BMP7: variants seen among roughly 807,000 people sequenced by gnomAD.
BMP7 encodes the protein osteogenic protein 1.
Under a neutral mutation model 41.2 loss-of-function variants are expected in BMP7, and 12 were observed. The ratio of observed to expected loss-of-function variants is 0.29; its 90% CI spans 0.19 to 0.47. The LOEUF (loss-of-function observed/expected upper bound fraction) is 0.47. Ranked by LOEUF, BMP7 falls within the 20% of genes least tolerant of loss-of-function variation. The probability of loss-of-function intolerance (pLI) is 0.99; values close to 1 mark genes in which losing one functional copy is unlikely to be tolerated. For missense variants in BMP7, 467 were observed against 606.0 expected (o/e 0.77, Z 2.41); for synonymous variants, 248 against 250.0 (o/e 0.99, Z 0.07).
intron 2 of BMP7, among the ~76,000 whole-genome samples, chr20:57,222,214 C>G (rs1201473482): frequency 6.6e-6 from 1 of 152,132 alleles, no homozygotes; most frequent in Non-Finnish European, 1.5e-5. Flanking sequence ...CTGTTGCCAT[C>G]GATTCCCAGC....
At chr20:57,199,356 G>A (rs1984571638) in intron 3 of BMP7, among the ~76,000 whole-genome samples, 2 of 152,202 alleles carry the variant, frequency 1.3e-5, no homozygotes, top group African/African-American at 4.8e-5. Flanking sequence ...CAGGCCTCAA[G>A]TTACCCAAGT....
chr20:57,244,212 C>G (rs954045722), intron 1 of BMP7, among the ~76,000 whole-genome samples: 1 of 152,220 alleles, frequency 6.6e-6, no homozygotes, highest in African/African-American at 2.4e-5. Flanking sequence ...GAATGTCTAA[C>G]ACATGCCCAG....
intron 1 of BMP7, 87 bp downstream of exon 1, chr20:57,265,618 C>A (rs745723286): frequency 1.9e-5 from 29 of 1,524,162 alleles, no homozygotes; most frequent in Admixed American, 7.8e-5. Context: ...GAAAGCTGGG[C>A]GGGCTGCATA....
chr20:57,218,471 T>G (rs1171436828), intron 2 of BMP7, among the ~76,000 whole-genome samples: 1 of 149,718 alleles, frequency 6.7e-6, no homozygotes, highest in Non-Finnish European at 1.5e-5. Flanking sequence ...TGGTGGTAGC[T>G]GGTGTGTGTT....
chr20:57,266,187 G>C lies in BMP7; in HGVS notation c.-65C>G, dbSNP rs887558779. 37 of 1,384,628 alleles carry C rather than the reference G, an allele frequency of 2.7e-5. No homozygotes were observed. In the African/African-American group the frequency reaches 5.2e-4, roughly 19 times the overall value. 85.8% of individuals were successfully genotyped at this position (1,384,628 alleles called of 1,614,324 possible). The stretch of plus-strand genomic sequence containing the variant: ...GCCCGCACCGCCCCAGGTGGCAGAG[G>C]GGGCAGGCGGCCGTCCGCGCCGCTC... On this transcript the variant is annotated 5_prime_UTR_variant, in exon 1 of 7. Transcript: ENST00000395863.
intron 4 of BMP7, among the ~76,000 whole-genome samples, chr20:57,178,220 C>T (rs1983981878): frequency 6.6e-6 from 1 of 152,152 alleles, no homozygotes; most frequent in Non-Finnish European, 1.5e-5. Flanking sequence ...GGGGACGAGG[C>T]GCCCTCCATG....
intron 1 of BMP7, among the ~76,000 whole-genome samples, chr20:57,264,557 T>G (rs1406397178): frequency 6.6e-6 from 1 of 152,130 alleles, no homozygotes; most frequent in Non-Finnish European, 1.5e-5. Flanking sequence ...AGCCCCAGGC[T>G]CGCGTCGCCG....
At chr20:57,193,364 T>G (rs1280965757) in intron 3 of BMP7, among the ~76,000 whole-genome samples, 1 of 152,116 alleles carries the variant, frequency 6.6e-6, no homozygotes, top group Non-Finnish European at 1.5e-5. Context: ...ATTGAGTGGG[T>G]GGAGGCCAGG....
At position 57,172,835 on chromosome 20, in the gene BMP7, A is replaced by T. The variant is rs566202276; in HGVS notation, c.1146+365T>A. Among the ~76,000 whole-genome samples the T allele has an allele frequency of 5.2e-3, 797 of 152,228 alleles. 5 individuals carry two copies. The highest frequency in any genetic ancestry group is 8.0e-3 in the Non-Finnish European group (541 of 68,010). Reference sequence around the variant, plus strand: ...TTCTGATCACTGTGCCCCTCACTGAAATTTCTCATCTGTTTACCTGTTTCC... The same window carrying T: ...TTCTGATCACTGTGCCCCTCACTGATATTTCTCATCTGTTTACCTGTTTCC... On this transcript the variant is annotated intron_variant, in intron 6 of 6. Coordinates refer to ENST00000395863, the MANE Select transcript of BMP7 (RefSeq NM_001719.3).
In BMP7 at chr20:57,266,239, T is replaced by C; in HGVS notation, c.-117A>G. The C allele has an allele frequency of 2.7e-6, 3 of 1,097,322 alleles. No homozygotes were observed. The highest frequency in any genetic ancestry group is 3.6e-6 in the Non-Finnish European group (3 of 842,330). The allele number at this position is 1,097,322 out of a possible 1,614,324, so 68.0% of individuals were successfully genotyped here. A position where few individuals can be genotyped will look rare whatever the true frequency, so the allele number is the denominator to read the frequency against. The stretch of plus-strand genomic sequence containing the variant: ...GTCACTTGCTGCAGACGGGCCCCGC[T>C]GCGCCCGCGCCAGACATGGCCCCTC... On this transcript the variant is annotated 5_prime_UTR_variant, in exon 1 of 7. Transcript: ENST00000395863.
At position 57,215,053 on chromosome 20, in the gene BMP7, A is replaced by G. The variant is rs1984980137; in HGVS notation, c.612-12430T>C. On this transcript the variant is annotated intron_variant, in intron 2 of 6. Coordinates refer to ENST00000395863, the MANE Select transcript of BMP7 (RefSeq NM_001719.3). The surrounding 1 kb of genome is among the most constrained non-coding windows in gnomAD (Gnocchi z 4.2). The stretch of plus-strand genomic sequence containing the variant: ...AGCTCCAGAAATGGCTCTGACTCAC[A>G]GTTCACTGGGGCCTTAGCCCACCCA... 1 of 152,140 alleles carries G rather than the reference A, an allele frequency of 6.6e-6. No individual in the cohort carries two copies. The highest frequency in any genetic ancestry group is 6.5e-5 in the Admixed American group (1 of 15,286). 9.4% of individuals were successfully genotyped at this position (152,140 alleles called of 1,614,324 possible).
intron 2 of BMP7, among the ~76,000 whole-genome samples, chr20:57,222,417 A>G (rs1029416856): frequency 6.6e-6 from 1 of 152,154 alleles, no homozygotes; most frequent in Admixed American, 6.5e-5. Flanking sequence ...ACTGGATTGA[A>G]CACAGTGGTT....
chr20:57,208,315 C>A (rs1040625287), intron 2 of BMP7, among the ~76,000 whole-genome samples: 1 of 152,180 alleles, frequency 6.6e-6, no homozygotes, highest in African/African-American at 2.4e-5. Context: ...GCACAAATGG[C>A]CAGTGAGCCA....
chr20:57,185,182 G>A (rs1023301002), intron 3 of BMP7, among the ~76,000 whole-genome samples: 1 of 152,190 alleles, frequency 6.6e-6, no homozygotes, highest in African/African-American at 2.4e-5. Flanking sequence ...GGAGGCTGGT[G>A]AGAAAAGGCC....
At chr20:57,190,619 G>A (rs1308876121) in intron 3 of BMP7, among the ~76,000 whole-genome samples, 1 of 152,066 alleles carries the variant, frequency 6.6e-6, no homozygotes, top group Non-Finnish European at 1.5e-5. Flanking sequence ...CATTCTGAAT[G>A]CCGTGTGGGG....
chr20:57,227,629 G>C (rs1426731176), intron 2 of BMP7, among the ~76,000 whole-genome samples: 4 of 152,170 alleles, frequency 2.6e-5, no homozygotes, highest in African/African-American at 9.7e-5. Context: ...GGTCATTTCT[G>C]CCTCGGGACT....
In BMP7 at chr20:57,169,331, G is replaced by C. The variant is rs6025415; in HGVS notation, c.*1628C>G. The C allele has an allele frequency of 0.43, 66,002 of 152,172 alleles. 15,369 individuals carry two copies. Among genetic ancestry groups the C allele is most frequent in the East Asian group, 0.68 (3,507 of 5,170 alleles). The allele number at this position is 152,172 out of a possible 1,614,324, so 9.4% of individuals were successfully genotyped here. A position where few individuals can be genotyped will look rare whatever the true frequency, so the allele number is the denominator to read the frequency against. On this transcript the variant is annotated 3_prime_UTR_variant, in exon 7 of 7. Coordinates refer to ENST00000395863, the MANE Select transcript of BMP7 (RefSeq NM_001719.3). The stretch of plus-strand genomic sequence containing the variant: ...TGTTTTCTTTACAGATGCAGAAAAC[G>C]TTTGCAGACAGTCTAGCCCTCCCCT...
At chr20:57,204,120 T>C (rs1193037419) in intron 2 of BMP7, among the ~76,000 whole-genome samples, 8 of 152,200 alleles carry the variant, frequency 5.3e-5, no homozygotes, top group Admixed American at 5.2e-4. Flanking sequence ...AGCTTGCAAC[T>C]GTACACAAAG....
At chr20:57,181,705 G>A (rs917530858) in intron 4 of BMP7, among the ~76,000 whole-genome samples, 2 of 152,146 alleles carry the variant, frequency 1.3e-5, no homozygotes, top group African/African-American at 4.8e-5. Flanking sequence ...TCCTTGCCTT[G>A]TGCAGCTTCT....
Sources: gnomAD v4.1 joint callset for allele counts (sites outside exome capture counted in the v4.1 genomes callset) on GRCh38, gnomAD v4.1.1 for gene constraint, Gnocchi (gnomAD v3.1) non-coding constraint, MANE v1.5 for transcripts, NCBI Gene and HGNC (gene_info 2026-07-23, HGNC 2026-07-21) for gene names.